Variants in VMP1 observed in about 807,000 individuals in gnomAD.
VMP1 encodes ectopic P-granules autophagy protein 3 homolog.
In VMP1, 11 loss-of-function variants were observed where a neutral mutation model predicts 56.0. The ratio of observed to expected loss-of-function variants is 0.20; its 90% CI spans 0.12 to 0.32. The LOEUF is 0.32. Among genes scored for constraint, VMP1 ranks in the 10% least tolerant of loss-of-function variants. VMP1 has a pLI of 1.00. For synonymous variants in VMP1, 149 were observed against 165.0 expected, an observed-to-expected ratio of 0.90 and a Z score of 0.74; for missense variants, 296 against 490.3, an observed-to-expected ratio of 0.60 and a Z score of 3.74.
At chr17:59,717,631 C>A (rs1293445971) in intron 1 of VMP1, among the ~76,000 whole-genome samples, 1 of 152,164 alleles carries the variant, frequency 6.6e-6, no homozygotes, top group Non-Finnish European at 1.5e-5. Flanking sequence ...GATCCTCCTA[C>A]CTCCCACCTC....
At chr17:59,818,489 G>A (rs956847646) in intron 10 of VMP1, among the ~76,000 whole-genome samples, 6 of 152,062 alleles carry the variant, frequency 3.9e-5, no homozygotes, top group African/African-American at 1.5e-4. Flanking sequence ...AGGCTAAACT[G>A]GCCAGGCACG....
rs1439313025 is a variant in VMP1 at position 59,784,138 on chromosome 17, TGTGTGA to T, written c.714+10255_714+10260del. On this transcript the variant is annotated intron_variant, in intron 7 of 11. Transcript: ENST00000262291. Reference sequence around the variant, plus strand: ...GTGTGTGTGTGTGTGTGTGTGTGTGTGTGTGAGAGAGAGAGAGAGATTGGAGGGAGG... The same window carrying T: ...GTGTGTGTGTGTGTGTGTGTGTGTGTGAGAGAGAGAGAGATTGGAGGGAGG... Among the ~76,000 whole-genome samples the T allele has an allele frequency of 4.4e-3, 577 of 132,504 alleles. 9 individuals carry two copies. Among genetic ancestry groups the T allele is most frequent in the African/African-American group, 0.017 (550 of 32,668 alleles). The allele number at this position is 132,504 out of a possible 152,430, so 86.9% of individuals were successfully genotyped here.
chr17:59,707,785 C>T (rs2033734243), intron 1 of VMP1, 37 bp downstream of exon 1: 1 of 152,306 alleles, frequency 6.6e-6, no homozygotes, highest in African/African-American at 2.4e-5. Context: ...GGACCGAAGC[C>T]TGAGGCTGTC....
At chr17:59,738,636 C>T (rs1229053752) in intron 4 of VMP1, among the ~76,000 whole-genome samples, 8 of 152,064 alleles carry the variant, frequency 5.3e-5, no homozygotes. Flanking sequence ...AGAAATAAGA[C>T]CTTTATTCCA....
chr17:59,713,658 G>A (rs2143700713), intron 1 of VMP1, among the ~76,000 whole-genome samples: 1 of 149,548 alleles, frequency 6.7e-6, no homozygotes, highest in South Asian at 2.1e-4. Flanking sequence ...GACCAGCCTG[G>A]ACAACATGGC....
At chr17:59,737,601 AG>A in intron 4 of VMP1, 58 bp downstream of exon 4, 2 of 1,444,654 alleles carry the variant, frequency 1.4e-6, no homozygotes, top group Non-Finnish European at 1.9e-6. Flanking sequence ...CTCTAATCTC[AG>A]TTTCAAATGG....
intron 1 of VMP1, among the ~76,000 whole-genome samples, chr17:59,726,528 G>A (rs1251769256): frequency 1.3e-5 from 2 of 151,882 alleles, no homozygotes; most frequent in African/African-American, 2.4e-5. Context: ...TCCTGACCTC[G>A]GGTGATCTGC....
chr17:59,768,881 G>A (rs2036328954), intron 6 of VMP1, among the ~76,000 whole-genome samples: 1 of 151,966 alleles, frequency 6.6e-6, no homozygotes, highest in African/African-American at 2.4e-5. Context: ...AGCTACTTGG[G>A]AGCCTGAGGC....
chr17:59,737,268 G>T (rs927285487), intron 3 of VMP1, among the ~76,000 whole-genome samples, 185 bp from the exon 4 acceptor site: 1 of 152,008 alleles, frequency 6.6e-6, no homozygotes. Flanking sequence ...TAAGAACTTG[G>T]GTTCTCTGCC....
At chr17:59,786,474 A>G (rs1411951844) in intron 7 of VMP1, among the ~76,000 whole-genome samples, 2 of 152,170 alleles carry the variant, frequency 1.3e-5, no homozygotes, top group Non-Finnish European at 2.9e-5. Flanking sequence ...GAAAGAGTTT[A>G]TGGTGTAGAT....
chr17:59,777,470 T>C (rs1447725004), intron 7 of VMP1, among the ~76,000 whole-genome samples: 3 of 151,990 alleles, frequency 2.0e-5, no homozygotes, highest in African/African-American at 4.8e-5. Flanking sequence ...TTTTTTTTTT[T>C]CCTCTCTAGA....
chr17:59,714,199 AGG>A (rs2034058066), intron 1 of VMP1, among the ~76,000 whole-genome samples: 1 of 152,096 alleles, frequency 6.6e-6, no homozygotes, highest in Non-Finnish European at 1.5e-5. Context: ...ACATTGGGTA[AGG>A]GCCTTCTTGC....
At chr17:59,820,973 TG>T (rs1158405863) in intron 10 of VMP1, among the ~76,000 whole-genome samples, 28 of 151,100 alleles carry the variant, frequency 1.9e-4, no homozygotes, top group African/African-American at 5.1e-4. Flanking sequence ...TTCTTTTTTT[TG>T]TTTTTTTTTT....
chr17:59,740,083 AAAAAAAG>A (rs1043017191), intron 5 of VMP1, among the ~76,000 whole-genome samples: 2 of 152,030 alleles, frequency 1.3e-5, no homozygotes, highest in African/African-American at 4.8e-5. Flanking sequence ...TCTCAAAAAA[AAAAAAAG>A]AAAAAGAAAA....
chr17:59,811,840 A>C, intron 9 of VMP1, 54 bp downstream of exon 9: 1 of 1,202,262 alleles, frequency 8.3e-7, no homozygotes, highest in Non-Finnish European at 1.2e-6. Flanking sequence ...TTACAAGACA[A>C]TGAAACATGC....
intron 10 of VMP1, among the ~76,000 whole-genome samples, chr17:59,836,488 A>G (rs1292060): frequency 0.44 from 67,332 of 151,906 alleles, 17,669 homozygotes; most frequent in African/African-American, 0.73. Flanking sequence ...GTGAGCCACC[A>G]CACATGGCCT....
At chr17:59,721,322 G>C (rs1021714782) in intron 1 of VMP1, among the ~76,000 whole-genome samples, 2 of 152,100 alleles carry the variant, frequency 1.3e-5, no homozygotes, top group African/African-American at 4.8e-5. Context: ...CTCCAGCCTG[G>C]GCGACAAGAG....
chr17:59,719,690 A>G lies in VMP1; in HGVS notation c.-26-11731A>G, dbSNP rs142024354. On this transcript the variant is annotated intron_variant, in intron 1 of 11. Transcript: ENST00000262291. ...TTTTGCTTGGTGGGGGACTCTCAGT[A>G]ATTTACTTGCACATTGTTTCTGTAT... 3.6e-3 allele frequency among the ~76,000 whole-genome samples: 550 copies of G among 152,230 alleles called. 3 individuals carry two copies. Among genetic ancestry groups the G allele is most frequent in the African/African-American group, 0.013 (528 of 41,504 alleles).
intron 10 of VMP1, 192 bp from the exon 11 acceptor site, chr17:59,838,103 T>C: frequency 5.4e-6 from 1 of 183,898 alleles, no homozygotes; most frequent in Non-Finnish European, 1.0e-5. Flanking sequence ...AAATTTTCTT[T>C]TTTTTTTTTT....
Sources: gnomAD v4.1 joint callset for allele counts (sites outside exome capture counted in the v4.1 genomes callset) on GRCh38, gnomAD v4.1.1 for gene constraint, MANE v1.5 for transcripts, NCBI Gene and HGNC (gene_info 2026-07-23, HGNC 2026-07-21) for gene names.